The following UNC13C variants were observed in gnomAD, a reference collection of about 807,000 sequenced individuals.
The protein encoded by UNC13C is protein unc-13 homolog C.
A neutral mutation model predicts 245.4 loss-of-function variants in UNC13C; 174 were observed. The observed-to-expected ratio is 0.71, with a 90% CI of 0.63 to 0.80. UNC13C has a LOEUF of 0.80. Ranked by LOEUF, UNC13C falls within the 30% of genes least tolerant of loss-of-function variation. The pLI is 0.00. For synonymous variants in UNC13C, 992 were observed against 895.1 expected, an observed-to-expected ratio of 1.11 and a Z score of -1.93; for missense variants, 2,829 against 2,602.9, an observed-to-expected ratio of 1.09 and a Z score of -1.89.
intron 30 of UNC13C, among the ~76,000 whole-genome samples, chr15:54,613,527 T>A (rs1430230901): frequency 2.0e-5 from 3 of 151,962 alleles, no homozygotes; most frequent in Non-Finnish European, 4.4e-5. Flanking sequence ...AATAGTGTTT[T>A]CAAATATTAA....
chr15:54,003,554 A>C (rs1894996759), intron 1 of UNC13C, among the ~76,000 whole-genome samples: 1 of 152,182 alleles, frequency 6.6e-6, no homozygotes, highest in Admixed American at 6.5e-5. Context: ...TTGTGAGTGC[A>C]TAGTAGATGT....
chr15:54,124,998 G>A (rs1038595066), intron 2 of UNC13C, among the ~76,000 whole-genome samples: 9 of 152,070 alleles, frequency 5.9e-5, no homozygotes, highest in African/African-American at 1.9e-4. Flanking sequence ...AAATCTAAAT[G>A]CCATTCCATT....
intron 18 of UNC13C, among the ~76,000 whole-genome samples, chr15:54,409,769 C>T (rs2040380091): frequency 6.6e-6 from 1 of 152,070 alleles, no homozygotes; most frequent in East Asian, 1.9e-4. Context: ...TTTCTTTATC[C>T]AGTCCACTGT....
intron 19 of UNC13C, among the ~76,000 whole-genome samples, chr15:54,430,991 G>T (rs1178012745): frequency 6.6e-6 from 1 of 151,758 alleles, no homozygotes; most frequent in African/African-American, 2.4e-5. Flanking sequence ...CTGGGCAGAA[G>T]ATGGTACACC....
At chr15:53,909,286 A>T in the UNC13C span, among the ~76,000 whole-genome samples, 2 of 146,424 alleles carry the variant, frequency 1.4e-5, no homozygotes, top group Non-Finnish European at 3.1e-5. Flanking sequence ...TTTTTTAACC[A>T]TTTTATCATG....
chr15:54,058,733 T>C (rs1407325096), intron 2 of UNC13C, among the ~76,000 whole-genome samples: 1 of 152,166 alleles, frequency 6.6e-6, no homozygotes, highest in Non-Finnish European at 1.5e-5. Flanking sequence ...GCAAACAGAA[T>C]CCAGCAGCAC....
intron 4 of UNC13C, among the ~76,000 whole-genome samples, chr15:54,152,999 A>G (rs923839918): frequency 6.6e-6 from 1 of 152,216 alleles, no homozygotes; most frequent in Non-Finnish European, 1.5e-5. Flanking sequence ...CAGACAGACT[A>G]TATAGTAGTC....
the UNC13C span, among the ~76,000 whole-genome samples, chr15:53,970,357 C>A: frequency 6.6e-6 from 1 of 152,208 alleles, no homozygotes; most frequent in Non-Finnish European, 1.5e-5. Flanking sequence ...GCATGAGCCA[C>A]TGAACTCTGC....
intron 19 of UNC13C, among the ~76,000 whole-genome samples, chr15:54,424,604 A>G (rs1010305060): frequency 2.6e-5 from 4 of 151,836 alleles, no homozygotes; most frequent in African/African-American, 9.7e-5. Context: ...TAACATTCAC[A>G]TGTGTGTTAT....
intron 4 of UNC13C, among the ~76,000 whole-genome samples, chr15:54,179,285 T>TA (rs2033718629): frequency 1.3e-5 from 2 of 152,084 alleles, no homozygotes; most frequent in South Asian, 4.1e-4. Context: ...ATGTGGCTGA[T>TA]AATCAAAAGA....
chr15:54,003,679 G>T (rs747952779), intron 1 of UNC13C, among the ~76,000 whole-genome samples: 25 of 152,156 alleles, frequency 1.6e-4, no homozygotes, highest in Non-Finnish European at 3.4e-4. Context: ...AAACAATCCA[G>T]TTATACTCAT....
rs576108921 is a variant in UNC13C at position 54,444,977 on chromosome 15, C to A, written c.4933+29910C>A. Among the ~76,000 whole-genome samples the A allele has an allele frequency of 4.8e-3, 612 of 127,868 alleles. 8 individuals are homozygous for A. Among genetic ancestry groups the A allele is most frequent in the African/African-American group, 0.017 (580 of 34,972 alleles). 83.9% of individuals were successfully genotyped at this position (127,868 alleles called of 152,430 possible). On this transcript the variant is annotated intron_variant, in intron 19 of 32. Transcript: ENST00000260323. ...CTATCCCTCCCCCCTCCCCCCACCC[C>A]ACAACAGCCCCTGGTGTGTGATGTT...
intron 13 of UNC13C, among the ~76,000 whole-genome samples, chr15:54,317,330 C>A (rs1200034653): frequency 6.6e-6 from 1 of 151,774 alleles, no homozygotes; most frequent in African/African-American, 2.4e-5. Context: ...CATGACGTTT[C>A]CTGAATTATT....
intron 3 of UNC13C, 57 bp downstream of exon 3, chr15:54,143,097 G>C: frequency 6.7e-7 from 1 of 1,487,216 alleles, no homozygotes; most frequent in Non-Finnish European, 9.3e-7. Flanking sequence ...GTACATGTTT[G>C]TTTGTGACAT....
intron 19 of UNC13C, among the ~76,000 whole-genome samples, chr15:54,459,809 T>A (rs1245788620): frequency 2.6e-5 from 4 of 152,096 alleles, no homozygotes; most frequent in Admixed American, 1.3e-4. Flanking sequence ...CTTTTTTTTT[T>A]ATTTCTTTGA....
At chr15:54,612,245 GTATTTGTTTAAAATA>G (rs1362937908) in intron 30 of UNC13C, among the ~76,000 whole-genome samples, 1 of 150,820 alleles carries the variant, frequency 6.6e-6, no homozygotes, top group Non-Finnish European at 1.5e-5. Flanking sequence ...TTAGGTGGTT[GTATTTGTTTAAAATA>G]TATGCTAATG....
At position 54,500,871 on chromosome 15, in the gene UNC13C, T is replaced by C; in HGVS notation, c.5194T>C (p.Ser1732Pro). 6.2e-7 allele frequency: 1 copy of C among 1,613,028 alleles called. No individual in the cohort carries two copies. The highest frequency in any genetic ancestry group is 2.2e-5 in the East Asian group (1 of 44,860). Residue 1732 changes from serine (S) to proline (P), a missense_variant, in exon 22 of 33, where the codon TCC becomes CCC. Coordinates refer to ENST00000260323, the MANE Select transcript of UNC13C (RefSeq NM_001080534.3). ...QTSEHALFSCSVVDVFAQLNQ... is the reference protein window; with the variant it reads ...QTSEHALFSCPVVDVFAQLNQ... ...ATCTGAGCATGCTCTCTTTTCTTGC[T>C]CCGTGGTTGATGTCTTTGCTCAGCT...
intron 17 of UNC13C, among the ~76,000 whole-genome samples, chr15:54,391,721 A>G (rs912593459): frequency 3.3e-5 from 5 of 152,128 alleles, no homozygotes; most frequent in Non-Finnish European, 7.4e-5. Context: ...TCAAACATAA[A>G]TGTAAATCAA....
chr15:54,002,748 A>G (rs1019019689), intron 1 of UNC13C, among the ~76,000 whole-genome samples: 4 of 152,230 alleles, frequency 2.6e-5, no homozygotes, highest in Non-Finnish European at 4.4e-5. Flanking sequence ...ACAGTTTCCA[A>G]TTCCAGAAAA....
Sources: allele counts gnomAD v4.1 joint callset (sites outside exome capture counted in the v4.1 genomes callset), GRCh38; gene constraint gnomAD v4.1.1; transcripts MANE v1.5; gene names NCBI Gene and HGNC (gene_info 2026-07-23, HGNC 2026-07-21).